Variants in ATP10B observed in about 807,000 individuals in gnomAD.
ATP10B encodes the protein phospholipid-transporting ATPase VB.
A neutral mutation model predicts 141.2 loss-of-function variants in ATP10B; 122 were observed. The observed-to-expected ratio is 0.86, with a 90% confidence interval of 0.75 to 1.00. The LOEUF is 1.00. ATP10B is among the 50% of genes least tolerant of loss of function. The probability of loss-of-function intolerance (pLI) is 0.00; values close to 1 mark genes in which losing one functional copy is unlikely to be tolerated. For missense variants in ATP10B, 1,876 were observed against 1,825.3 expected, an observed-to-expected ratio of 1.03 and a Z score of -0.51; for synonymous variants, 685 against 692.0, an observed-to-expected ratio of 0.99 and a Z score of 0.16.
At chr5:160,828,146 A>G (rs1321295048) in intron 1 of ATP10B, among the ~76,000 whole-genome samples, 4 of 152,166 alleles carry the variant, frequency 2.6e-5, no homozygotes, top group African/African-American at 2.4e-5. Flanking sequence ...GGACATAGGC[A>G]TGGGCAAGGA....
chr5:160,652,869 T>A (rs1197359539), intron 7 of ATP10B, among the ~76,000 whole-genome samples: 1 of 61,210 alleles, frequency 1.6e-5, no homozygotes, highest in Admixed American at 2.6e-4. Flanking sequence ...TTATATATAA[T>A]ATATATAATA....
intron 8 of ATP10B, 146 bp downstream of exon 8, chr5:160,649,025 T>G: frequency 4.5e-6 from 2 of 446,940 alleles, no homozygotes; most frequent in Non-Finnish European, 7.7e-6. Flanking sequence ...TTTCCCAATT[T>G]AAATTTCTCT....
chr5:160,591,851 G>T (rs555981721), intron 22 of ATP10B, among the ~76,000 whole-genome samples: 5 of 152,274 alleles, frequency 3.3e-5, no homozygotes, highest in Non-Finnish European at 7.3e-5. Flanking sequence ...TGCCCCCTTC[G>T]TCTGGACTGC....
chr5:160,689,744 A>G (rs1397787607), intron 3 of ATP10B, among the ~76,000 whole-genome samples: 1 of 152,220 alleles, frequency 6.6e-6, no homozygotes, highest in Non-Finnish European at 1.5e-5. Flanking sequence ...ATGATCATGG[A>G]TAGGAAAAAT....
chr5:160,809,649 A>C (rs1773014950), intron 1 of ATP10B, among the ~76,000 whole-genome samples: 1 of 152,152 alleles, frequency 6.6e-6, no homozygotes, highest in Non-Finnish European at 1.5e-5. Context: ...CCTCCTGTCT[A>C]GCTGTAATTT....
At chr5:160,631,771 G>C (rs1003700027) in intron 13 of ATP10B, among the ~76,000 whole-genome samples, 7 of 152,220 alleles carry the variant, frequency 4.6e-5, no homozygotes, top group Non-Finnish European at 8.8e-5. Flanking sequence ...GTGGGGGGCT[G>C]TGATGAGCTG....
the ATP10B span, among the ~76,000 whole-genome samples, chr5:160,859,956 T>C: frequency 6.6e-6 from 1 of 151,978 alleles, no homozygotes; most frequent in African/African-American, 2.4e-5. Context: ...GTTGCAGAAA[T>C]GTAGAAATAG....
At chr5:160,846,979 G>C (rs1313220035) in intron 1 of ATP10B, among the ~76,000 whole-genome samples, 1 of 152,220 alleles carries the variant, frequency 6.6e-6, no homozygotes, top group Non-Finnish European at 1.5e-5. Flanking sequence ...CTGGCAGATA[G>C]TAAGTACTCA....
chr5:160,764,200 C>G (rs1769241635), intron 2 of ATP10B, among the ~76,000 whole-genome samples: 1 of 152,092 alleles, frequency 6.6e-6, no homozygotes, highest in African/African-American at 2.4e-5. Flanking sequence ...ATCCCCAAAT[C>G]ATTCTATGAA....
intron 25 of ATP10B, among the ~76,000 whole-genome samples, chr5:160,568,178 G>A (rs1037398748): frequency 7.2e-5 from 11 of 152,230 alleles, no homozygotes; most frequent in South Asian, 6.2e-4. Flanking sequence ...GACTTAATAT[G>A]CCCAGTAGAG....
the ATP10B span, among the ~76,000 whole-genome samples, chr5:160,881,600 CAGG>C: frequency 6.6e-6 from 1 of 152,076 alleles, no homozygotes; most frequent in Admixed American, 6.5e-5. Context: ...ATCACGAGGT[CAGG>C]AGATCTAGAC....
intron 13 of ATP10B, among the ~76,000 whole-genome samples, chr5:160,630,328 A>C (rs1343320443): frequency 1.3e-5 from 2 of 152,172 alleles, no homozygotes; most frequent in African/African-American, 2.4e-5. Flanking sequence ...CTCACTGGCC[A>C]TCAGCTAAAA....
At chr5:160,726,129 T>G (rs138995579) in intron 2 of ATP10B, among the ~76,000 whole-genome samples, 1,522 of 152,144 alleles carry the variant, frequency 0.01, 99 homozygotes, top group Admixed American at 0.093. Context: ...GTGGTGCAAG[T>G]TCCATGGCCT....
At chr5:160,677,577 A>G (rs543479503) in intron 6 of ATP10B, among the ~76,000 whole-genome samples, 4 of 151,846 alleles carry the variant, frequency 2.6e-5, no homozygotes, top group Non-Finnish European at 4.4e-5. Flanking sequence ...GCAGTTCCAA[A>G]CTCGAGCCTG....
At chr5:160,738,901 C>G (rs1767288143) in intron 2 of ATP10B, among the ~76,000 whole-genome samples, 1 of 151,984 alleles carries the variant, frequency 6.6e-6, no homozygotes, top group African/African-American at 2.4e-5. Flanking sequence ...CCTAGTATTA[C>G]CAGACAAACA....
At chr5:160,701,179 C>G (rs942738375) in intron 3 of ATP10B, among the ~76,000 whole-genome samples, 1 of 152,090 alleles carries the variant, frequency 6.6e-6, no homozygotes, top group Non-Finnish European at 1.5e-5. Context: ...AACTCTAGAT[C>G]GACTCATGCC....
At chr5:160,841,699 A>G (rs978345247) in intron 1 of ATP10B, among the ~76,000 whole-genome samples, 4 of 152,058 alleles carry the variant, frequency 2.6e-5, no homozygotes, top group African/African-American at 9.7e-5. Flanking sequence ...GTATACTCCT[A>G]GTTTTACATA....
At chr5:160,626,276 A>C (rs1255717396) in intron 13 of ATP10B, among the ~76,000 whole-genome samples, 1 of 152,188 alleles carries the variant, frequency 6.6e-6, no homozygotes, top group East Asian at 1.9e-4. Context: ...AGACCATCTA[A>C]AATGCATACA....
At chr5:160,625,981 G>GAT (rs1758590510) in intron 13 of ATP10B, among the ~76,000 whole-genome samples, 1 of 152,254 alleles carries the variant, frequency 6.6e-6, no homozygotes, top group South Asian at 2.1e-4. Context: ...GCCAGGAACA[G>GAT]ATGTCAGCTA....
Sources: allele counts gnomAD v4.1 joint callset (sites outside exome capture counted in the v4.1 genomes callset), GRCh38; gene constraint gnomAD v4.1.1; transcripts MANE v1.5; gene names NCBI Gene and HGNC (gene_info 2026-07-23, HGNC 2026-07-21).